The following PDE11A variants were observed in gnomAD, a reference collection of about 807,000 sequenced individuals.
PDE11A encodes dual 3',5'-cyclic-AMP and -GMP phosphodiesterase 11A.
PDE11A carries 100 observed loss-of-function variants against 100.5 expected under a neutral mutation model. The observed-to-expected ratio is 1.00, with a 90% CI of 0.85 to 1.18. PDE11A has a LOEUF of 1.18. Among genes scored for constraint, PDE11A ranks in the 50% most tolerant of loss-of-function variants. The pLI is 0.00. For synonymous variants in PDE11A, 381 were observed against 420.8 expected (o/e 0.91, Z 1.16); for missense variants, 1,141 against 1,152.6 (o/e 0.99, Z 0.15).
intron 2 of PDE11A, among the ~76,000 whole-genome samples, chr2:178,079,952 G>C (rs939893886): frequency 6.6e-6 from 1 of 152,170 alleles, no homozygotes; most frequent in African/African-American, 2.4e-5. Flanking sequence ...CTTCTTTTGA[G>C]AAGTGTCTGT....
chr2:177,950,224 A>ATTTT (rs34823486), intron 2 of PDE11A, among the ~76,000 whole-genome samples: 2,359 of 148,190 alleles, frequency 0.016, 26 homozygotes, highest in Non-Finnish European at 0.024. Flanking sequence ...TCTCCTTCCC[A>ATTTT]TTTTTTTTTT....
At chr2:177,729,772 G>A (rs1221515149) in intron 10 of PDE11A, among the ~76,000 whole-genome samples, 2 of 152,078 alleles carry the variant, frequency 1.3e-5, no homozygotes, top group Admixed American at 1.3e-4. Context: ...CAAGAGTTCT[G>A]AAATGTCATA....
At chr2:178,028,209 C>T (rs2086501277) in intron 1 of PDE11A, among the ~76,000 whole-genome samples, 1 of 150,812 alleles carries the variant, frequency 6.6e-6, no homozygotes, top group South Asian at 2.1e-4. Context: ...CTCTTTATTT[C>T]CTTGGTGTTC....
rs200393474 is a variant in PDE11A at position 177,935,347 on chromosome 2, AAATAGCCACG to A, written c.1072-30170_1072-30161del. On this transcript the variant is annotated intron_variant, in intron 2 of 19. Transcript: ENST00000286063. ...TTACTGTGTTGGAAATTGTTGGGCT[AAATAGCCACG>A]AATTTGCAAAGGTCCAGAAAACAAG... Among the ~76,000 whole-genome samples the A allele has an allele frequency of 7.9e-3, 1,203 of 152,312 alleles. 24 individuals are homozygous for A. The highest frequency in any genetic ancestry group is 0.028 in the African/African-American group (1,156 of 41,568).
intron 9 of PDE11A, among the ~76,000 whole-genome samples, chr2:177,786,531 G>A (rs1574140735): frequency 6.6e-6 from 1 of 152,308 alleles, no homozygotes; most frequent in Admixed American, 6.5e-5. Context: ...GAACAAAGCT[G>A]GACGGAGAAT....
At chr2:177,705,239 A>AC (rs1559151834) in intron 13 of PDE11A, among the ~76,000 whole-genome samples, 2 of 151,008 alleles carry the variant, frequency 1.3e-5, no homozygotes, top group African/African-American at 2.4e-5. Flanking sequence ...TGAAAAAAAA[A>AC]CCCTGAGATC....
chr2:177,818,699 A>G (rs925454817), intron 7 of PDE11A, among the ~76,000 whole-genome samples: 1 of 152,114 alleles, frequency 6.6e-6, no homozygotes, highest in African/African-American at 2.4e-5. Flanking sequence ...GGGGGTACAT[A>G]TAGTTCTACA....
chr2:177,858,238 T>C (rs1460843881), intron 5 of PDE11A, among the ~76,000 whole-genome samples: 1 of 151,920 alleles, frequency 6.6e-6, no homozygotes, highest in Non-Finnish European at 1.5e-5. Context: ...GAAGCCAAAA[T>C]TGACAAATGG....
chr2:177,832,553 C>CTAT (rs753978342), intron 6 of PDE11A, among the ~76,000 whole-genome samples: 142 of 146,386 alleles, frequency 9.7e-4, no homozygotes, highest in Non-Finnish European at 1.7e-3. Flanking sequence ...ATACTCACAT[C>CTAT]CATCTATCTA....
At chr2:177,980,854 C>G (rs933921235) in intron 2 of PDE11A, among the ~76,000 whole-genome samples, 1 of 148,556 alleles carries the variant, frequency 6.7e-6, no homozygotes, top group Admixed American at 6.7e-5. Context: ...TGCCCTTGAA[C>G]ATGAAAGGTG....
chr2:177,805,834 A>G (rs2082861059), intron 9 of PDE11A, among the ~76,000 whole-genome samples: 1 of 152,202 alleles, frequency 6.6e-6, no homozygotes, highest in Non-Finnish European at 1.5e-5. Flanking sequence ...CTGCCTTCAT[A>G]ACAAGAAAAA....
chr2:178,107,128 G>A (rs1022531538), intron 1 of PDE11A, among the ~76,000 whole-genome samples: 4 of 151,920 alleles, frequency 2.6e-5, no homozygotes, highest in Non-Finnish European at 5.9e-5. Flanking sequence ...CATTATAACT[G>A]TTAAAACTAC....
intron 2 of PDE11A, among the ~76,000 whole-genome samples, chr2:178,005,326 G>GA (rs1024208212): frequency 2.0e-5 from 3 of 151,914 alleles, no homozygotes; most frequent in Admixed American, 6.6e-5. Flanking sequence ...AAAAGCTACA[G>GA]AAAAAAATTG....
chr2:177,629,731 A>G (rs933940908), intron 19 of PDE11A, among the ~76,000 whole-genome samples, 169 bp from the exon 20 acceptor site: 1 of 152,224 alleles, frequency 6.6e-6, no homozygotes, highest in Non-Finnish European at 1.5e-5. Context: ...TGCATTTAAC[A>G]CCAATATGTT....
chr2:177,775,110 G>T (rs570402395), intron 9 of PDE11A, among the ~76,000 whole-genome samples: 42 of 152,244 alleles, frequency 2.8e-4, no homozygotes, highest in Non-Finnish European at 4.6e-4. Context: ...GCAAGGAAAT[G>T]GATTGTCCCC....
At chr2:178,105,255 T>A (rs949100098) in intron 1 of PDE11A, among the ~76,000 whole-genome samples, 5 of 151,854 alleles carry the variant, frequency 3.3e-5, no homozygotes, top group Non-Finnish European at 5.9e-5. Flanking sequence ...AGGTCAGGAG[T>A]TCGAGATCAG....
chr2:177,903,583 C>G (rs952202038), intron 3 of PDE11A, among the ~76,000 whole-genome samples: 1 of 152,156 alleles, frequency 6.6e-6, no homozygotes, highest in Non-Finnish European at 1.5e-5. Context: ...TGAAGCTTCA[C>G]TTAAGGAGTT....
intron 7 of PDE11A, among the ~76,000 whole-genome samples, chr2:177,819,246 C>T (rs1438060): frequency 0.41 from 61,716 of 151,852 alleles, 14,386 homozygotes; most frequent in African/African-American, 0.64. Context: ...CTTATGCAGA[C>T]TAAGCTGATG....
intron 5 of PDE11A, among the ~76,000 whole-genome samples, chr2:177,844,726 G>T (rs1176379647): frequency 6.6e-6 from 1 of 150,808 alleles, no homozygotes; most frequent in African/African-American, 2.4e-5. Flanking sequence ...TGAGATTAGG[G>T]AGTGGTGATG....
Sources: allele counts gnomAD v4.1 joint callset (sites outside exome capture counted in the v4.1 genomes callset), GRCh38; gene constraint gnomAD v4.1.1; transcripts MANE v1.5; gene names NCBI Gene and HGNC (gene_info 2026-07-23, HGNC 2026-07-21).